CLASP1: variants seen among roughly 807,000 people sequenced by gnomAD.
CLASP1 encodes the protein CLIP-associating protein 1.
A neutral mutation model predicts 192.3 loss-of-function variants in CLASP1; 38 were observed. The ratio of observed to expected loss-of-function variants is 0.20; its 90% CI spans 0.15 to 0.26. CLASP1 has a LOEUF of 0.26. CLASP1 is among the 10% of genes least tolerant of loss of function. The pLI, the probability that CLASP1 is intolerant of heterozygous loss-of-function variation, is 1.00. For missense variants in CLASP1, 1,433 were observed against 1,932.5 expected (o/e 0.74, Z 4.85); for synonymous variants, 691 against 712.8 (o/e 0.97, Z 0.49).
At chr2:121,393,953 A>T (rs1393365356) in intron 30 of CLASP1, among the ~76,000 whole-genome samples, 1 of 152,086 alleles carries the variant, frequency 6.6e-6, no homozygotes, top group Non-Finnish European at 1.5e-5. Flanking sequence ...TAATTTGCAT[A>T]GATAGGTAAA....
chr2:121,388,187 A>G (rs1400183449), intron 30 of CLASP1: 1 of 275,156 alleles, frequency 3.6e-6, no homozygotes, highest in Non-Finnish European at 6.8e-6. Flanking sequence ...GTCTGGTACT[A>G]GGAATGAAGC....
intron 2 of CLASP1, among the ~76,000 whole-genome samples, chr2:121,539,318 C>T (rs1056530806): frequency 1.3e-5 from 2 of 151,992 alleles, no homozygotes; most frequent in African/African-American, 4.8e-5. Flanking sequence ...ACAGACACAC[C>T]AACAGACAGG....
chr2:121,642,401 TA>T (rs35181269), intron 1 of CLASP1, among the ~76,000 whole-genome samples: 1,182 of 107,422 alleles, frequency 0.011, 4 homozygotes, highest in African/African-American at 0.017. Context: ...ATCTTTTTGC[TA>T]AAAAAAAAAA....
Position 121,582,276 on chromosome 2 carries a change from G to GGAGA in CLASP1, c.195+23421_195+23424dup, listed in dbSNP as rs113201966. Among the ~76,000 whole-genome samples the GGAGA allele has an allele frequency of 1.3e-3, 185 of 146,078 alleles. 2 individuals are homozygous for GGAGA. The highest frequency in any genetic ancestry group is 4.2e-3 in the Admixed American group (61 of 14,496). ...GACAGGACAGAACAGGACAGGAAAGGGAGAGAGAGAGAGAGAGAAAGAGAA... is the reference window on the plus strand; with the variant it reads ...GACAGGACAGAACAGGACAGGAAAGGGAGAGAGAGAGAGAGAGAGAGAAAGAGAA... On this transcript the variant is annotated intron_variant, in intron 2 of 39. Coordinates refer to ENST00000263710, the Ensembl canonical transcript of CLASP1.
chr2:121,351,506 A>G (rs2064400885), intron 37 of CLASP1, among the ~76,000 whole-genome samples: 2 of 152,222 alleles, frequency 1.3e-5, no homozygotes, highest in African/African-American at 2.4e-5. Context: ...CTGTCTGAGA[A>G]TATGTCCCAC....
At chr2:121,479,056 C>CACACACACCCCCCCCA (rs1559371349) in intron 8 of CLASP1, among the ~76,000 whole-genome samples, 1 of 101,216 alleles carries the variant, frequency 9.9e-6, no homozygotes, top group Non-Finnish European at 2.0e-5. Context: ...CACCCCCCCC[C>CACACACACCCCCCCCA]CACACACACA....
At chr2:121,348,839 G>A in intron 37 of CLASP1, 121 bp from the exon 39 acceptor site, 10 of 869,020 alleles carry the variant, frequency 1.2e-5, no homozygotes, top group South Asian at 1.8e-5. Flanking sequence ...GGCAGCCATT[G>A]CTTCGCCTGG....
intron 2 of CLASP1, among the ~76,000 whole-genome samples, chr2:121,533,456 G>A (rs1231758893): frequency 6.6e-6 from 1 of 152,180 alleles, no homozygotes; most frequent in Non-Finnish European, 1.5e-5. Flanking sequence ...CTCGTGGGTT[G>A]TTGTGAGGGT....
intron 38 of CLASP1, among the ~76,000 whole-genome samples, chr2:121,348,072 C>T (rs938768291): frequency 5.3e-5 from 8 of 151,848 alleles, no homozygotes; most frequent in African/African-American, 1.9e-4. Context: ...TGGAACGCAG[C>T]TGCTTTATGC....
intron 2 of CLASP1, among the ~76,000 whole-genome samples, chr2:121,587,322 C>T (rs1040951204): frequency 6.6e-6 from 1 of 152,156 alleles, no homozygotes; most frequent in Non-Finnish European, 1.5e-5. Flanking sequence ...CCTGCCCTCC[C>T]CCCATCCTTA....
chr2:121,383,067 G>A (rs965274285), intron 32 of CLASP1, among the ~76,000 whole-genome samples: 13 of 152,348 alleles, frequency 8.5e-5, no homozygotes, highest in African/African-American at 2.6e-4. Context: ...GTCACTGGGT[G>A]CCTGGGCTTG....
intron 2 of CLASP1, among the ~76,000 whole-genome samples, chr2:121,567,002 G>A (rs2059567114): frequency 6.6e-6 from 1 of 152,190 alleles, no homozygotes; most frequent in Non-Finnish European, 1.5e-5. Context: ...ATAGTTCAGG[G>A]GAAGAGTTTG....
At chr2:121,595,119 T>G (rs1282649288) in intron 2 of CLASP1, among the ~76,000 whole-genome samples, 1 of 152,206 alleles carries the variant, frequency 6.6e-6, no homozygotes, top group African/African-American at 2.4e-5. Flanking sequence ...TATGCTCCAA[T>G]AAATGCTACT....
chr2:121,448,141 A>T (rs1346764659), intron 18 of CLASP1, 135 bp downstream of exon 18: 2 of 728,282 alleles, frequency 2.7e-6, no homozygotes, highest in Non-Finnish European at 4.8e-6. Context: ...AGGGCAGGGC[A>T]GAGCAGGCAA....
At chr2:121,589,669 T>C (rs187952983) in intron 2 of CLASP1, among the ~76,000 whole-genome samples, 17 of 151,916 alleles carry the variant, frequency 1.1e-4, no homozygotes, top group African/African-American at 4.1e-4. Flanking sequence ...TTTAACAGTA[T>C]TATTTGCCAT....
chr2:121,437,521 C>T (rs2082511815), intron 19 of CLASP1, among the ~76,000 whole-genome samples: 1 of 152,128 alleles, frequency 6.6e-6, no homozygotes, highest in Non-Finnish European at 1.5e-5. Flanking sequence ...TAATCCACAG[C>T]CAACTTAAAA....
At chr2:121,464,652 G>A (rs1318641396) in intron 9 of CLASP1, among the ~76,000 whole-genome samples, 1 of 152,176 alleles carries the variant, frequency 6.6e-6, no homozygotes, top group Non-Finnish European at 1.5e-5. Context: ...CTTCTTTTGA[G>A]AAGTGTCTGT....
intron 30 of CLASP1, among the ~76,000 whole-genome samples, chr2:121,391,808 G>A (rs2074403436): frequency 6.6e-6 from 1 of 152,124 alleles, no homozygotes; most frequent in Non-Finnish European, 1.5e-5. Context: ...GGAGGCTGAG[G>A]CAGGAGAATC....
intron 6 of CLASP1, among the ~76,000 whole-genome samples, chr2:121,517,852 C>T (rs1285694257): frequency 9.3e-6 from 1 of 107,322 alleles, no homozygotes; most frequent in Non-Finnish European, 1.7e-5. Context: ...CAAAGCAAGA[C>T]TCAAGCTTTT....
Sources: allele counts gnomAD v4.1 joint callset (sites outside exome capture counted in the v4.1 genomes callset), GRCh38; gene constraint gnomAD v4.1.1; transcripts MANE v1.5; gene names NCBI Gene and HGNC (gene_info 2026-07-23, HGNC 2026-07-21).